Variants in SSH2 observed in about 807,000 individuals in gnomAD.
SSH2 encodes the protein protein phosphatase Slingshot homolog 2.
Under a neutral mutation model 135.2 loss-of-function variants are expected in SSH2, and 37 were observed. The observed-to-expected ratio is 0.27, with a 90% CI of 0.21 to 0.36. SSH2 has a LOEUF of 0.36. Among genes scored for constraint, SSH2 ranks in the 10% least tolerant of loss-of-function variants. SSH2 has a pLI of 1.00. For missense variants in SSH2, 1,408 were observed against 1,765.3 expected, an observed-to-expected ratio of 0.80 and a Z score of 3.63; for synonymous variants, 628 against 646.2, an observed-to-expected ratio of 0.97 and a Z score of 0.43.
chr17:29,854,806 G>A (rs1035039606), intron 1 of SSH2, among the ~76,000 whole-genome samples: 1 of 152,120 alleles, frequency 6.6e-6, no homozygotes, highest in African/African-American at 2.4e-5. Flanking sequence ...AATTAGCTGG[G>A]TGTGGTGGCA....
intron 1 of SSH2, among the ~76,000 whole-genome samples, chr17:29,902,782 G>C (rs1216428836): frequency 6.6e-6 from 1 of 151,914 alleles, no homozygotes; most frequent in Non-Finnish European, 1.5e-5. Flanking sequence ...ACATCGTAGA[G>C]GCATCTAGGA....
intron 2 of SSH2, among the ~76,000 whole-genome samples, chr17:29,797,728 C>A (rs1036316757): frequency 1.3e-5 from 2 of 152,028 alleles, no homozygotes; most frequent in Admixed American, 1.3e-4. Flanking sequence ...AAGACACAGT[C>A]TCTACCAAAA....
At chr17:29,874,044 GC>G (rs1229058304) in intron 1 of SSH2, among the ~76,000 whole-genome samples, 1 of 152,194 alleles carries the variant, frequency 6.6e-6, no homozygotes, top group Admixed American at 6.5e-5. Context: ...TGTAATCCCA[GC>G]ACTTCGGGAG....
At chr17:29,852,511 G>T (rs2065580856) in intron 1 of SSH2, among the ~76,000 whole-genome samples, 1 of 151,490 alleles carries the variant, frequency 6.6e-6, no homozygotes, top group Non-Finnish European at 1.5e-5. Flanking sequence ...GGAAGACAAA[G>T]GACAAAGGTC....
Position 29,650,693 on chromosome 17 carries a change from G to C in SSH2, c.1187C>G (p.Ala396Gly), listed in dbSNP as rs752826999. Residue 396 changes from alanine (A) to glycine (G), a missense_variant, in exon 13 of 16, where the codon GCG becomes GGG. Coordinates refer to ENST00000540801, the MANE Select transcript of SSH2 (RefSeq NM_001282129.2). ...GAATTTGTAAGTGTCATTCCAGTAC[G>C]CCAGGAGATCCGTTGCCTCTTCATC... ...VYDEEATDLL[A>G]YWNDTYKFIS... 1.2e-6 allele frequency: 2 copies of C among 1,613,822 alleles called. No homozygotes were observed. The highest frequency in any genetic ancestry group is 1.1e-5 in the South Asian group (1 of 91,032).
chr17:29,736,898 G>C (rs1567931279), intron 3 of SSH2, among the ~76,000 whole-genome samples: 1 of 148,250 alleles, frequency 6.7e-6, no homozygotes, highest in Non-Finnish European at 1.5e-5. Flanking sequence ...AGGAGATCGA[G>C]ACCATCCTGG....
At chr17:29,820,510 A>C (rs761030217) in intron 2 of SSH2, among the ~76,000 whole-genome samples, 1 of 152,218 alleles carries the variant, frequency 6.6e-6, no homozygotes, top group Admixed American at 6.5e-5. Flanking sequence ...ACATAAGCAA[A>C]AGTAAAATTA....
At chr17:29,677,981 T>A (rs959570567) in intron 6 of SSH2, among the ~76,000 whole-genome samples, 3 of 152,194 alleles carry the variant, frequency 2.0e-5, no homozygotes, top group Non-Finnish European at 4.4e-5. Flanking sequence ...TGACTCAGCT[T>A]CCTACATTGT....
chr17:29,745,929 A>G (rs2040744836), intron 3 of SSH2, among the ~76,000 whole-genome samples: 1 of 152,216 alleles, frequency 6.6e-6, no homozygotes, highest in Non-Finnish European at 1.5e-5. Flanking sequence ...CTGCACTATT[A>G]CTGTTAGGTA....
intron 3 of SSH2, among the ~76,000 whole-genome samples, chr17:29,727,148 A>G (rs1020247379): frequency 1.3e-5 from 2 of 152,186 alleles, no homozygotes; most frequent in South Asian, 2.1e-4. Context: ...GGATATGACA[A>G]TATACTAATG....
At chr17:29,649,800 T>C (rs1567843802) in intron 13 of SSH2, among the ~76,000 whole-genome samples, 1 of 152,114 alleles carries the variant, frequency 6.6e-6, no homozygotes, top group Non-Finnish European at 1.5e-5. Context: ...AATTCAAAAA[T>C]ATAAAACACT....
chr17:29,853,081 C>A (rs563521752), intron 1 of SSH2, among the ~76,000 whole-genome samples: 1 of 142,644 alleles, frequency 7.0e-6, no homozygotes, highest in East Asian at 2.2e-4. Context: ...TAATTCACTG[C>A]AGAGATTTTT....
chr17:29,859,580 A>G (rs117693198), intron 1 of SSH2, among the ~76,000 whole-genome samples: 2,923 of 152,286 alleles, frequency 0.019, 41 homozygotes, highest in Non-Finnish European at 0.03. Flanking sequence ...TGCTAAGGGT[A>G]ACAGCATCCA....
intron 3 of SSH2, among the ~76,000 whole-genome samples, chr17:29,721,822 G>T (rs961649229): frequency 6.6e-6 from 1 of 152,148 alleles, no homozygotes; most frequent in Non-Finnish European, 1.5e-5. Context: ...TCTGAAAAGG[G>T]AGACGACCAG....
intron 11 of SSH2, among the ~76,000 whole-genome samples, chr17:29,657,651 G>T (rs191864737): frequency 3.6e-5 from 5 of 137,018 alleles, no homozygotes; most frequent in Admixed American, 2.5e-4. Flanking sequence ...GCACACTGCA[G>T]CCTTGAACTC....
At chr17:29,845,920 G>A (rs181907481) in intron 2 of SSH2, among the ~76,000 whole-genome samples, 9 of 152,026 alleles carry the variant, frequency 5.9e-5, no homozygotes, top group East Asian at 3.9e-4. Context: ...TTCCCCACGC[G>A]TCCAACTTCA....
At chr17:29,916,211 G>T (rs909499698) in intron 1 of SSH2, among the ~76,000 whole-genome samples, 6 of 152,004 alleles carry the variant, frequency 3.9e-5, no homozygotes, top group Non-Finnish European at 5.9e-5. Flanking sequence ...TTATAAAAAT[G>T]ACTAATACTT....
chr17:29,918,005 T>G (rs966809141), intron 1 of SSH2, among the ~76,000 whole-genome samples: 4 of 150,126 alleles, frequency 2.7e-5, no homozygotes, highest in African/African-American at 7.4e-5. Flanking sequence ...CAAAGTGAGA[T>G]CCCCATCTCT....
intron 2 of SSH2, among the ~76,000 whole-genome samples, chr17:29,840,380 G>T (rs1187288444): frequency 6.6e-6 from 1 of 152,178 alleles, no homozygotes; most frequent in Admixed American, 6.5e-5. Context: ...GCACAGGAGA[G>T]CATGGTGTGT....
Sources: gnomAD v4.1 joint callset for allele counts (sites outside exome capture counted in the v4.1 genomes callset) on GRCh38, gnomAD v4.1.1 for gene constraint, MANE v1.5 for transcripts, NCBI Gene and HGNC (gene_info 2026-07-23, HGNC 2026-07-21) for gene names.